Variants in SLC71A1 observed in about 807,000 individuals in gnomAD.
SLC71A1 encodes the protein solute carrier family 71 member 1.
chr1:100,040,184 G>A, the SLC71A1 span, among the ~76,000 whole-genome samples: 1 of 151,964 alleles, frequency 6.6e-6, no homozygotes. Context: ...GATCCCACAG[G>A]GCCTAGTATG....
chr1:100,067,691 T>TG, the SLC71A1 span, among the ~76,000 whole-genome samples: 1 of 152,080 alleles, frequency 6.6e-6, no homozygotes, highest in African/African-American at 2.4e-5. Flanking sequence ...TGTGTGCCTG[T>TG]AGCCCCATCA....
At chr1:100,043,882 T>G in the SLC71A1 span, among the ~76,000 whole-genome samples, 4 of 152,278 alleles carry the variant, frequency 2.6e-5, no homozygotes, top group South Asian at 4.1e-4. Context: ...CAAAAGACAT[T>G]ATTTCATTCC....
the SLC71A1 span, among the ~76,000 whole-genome samples, chr1:100,053,136 T>G: frequency 6.6e-6 from 1 of 152,246 alleles, no homozygotes; most frequent in Non-Finnish European, 1.5e-5. Flanking sequence ...TATATGTCAC[T>G]AATTAAGAAC....
chr1:100,067,411 ATTTTTCT>A, the SLC71A1 span, among the ~76,000 whole-genome samples: 2 of 151,980 alleles, frequency 1.3e-5, no homozygotes, highest in Non-Finnish European at 2.9e-5. Flanking sequence ...TGCCCAGCTA[ATTTTTCT>A]TTTTTCTTTT....
At chr1:100,044,533 G>C in the SLC71A1 span, among the ~76,000 whole-genome samples, 1 of 28,738 alleles carries the variant, frequency 3.5e-5, no homozygotes, top group African/African-American at 1.4e-4. Flanking sequence ...TTTTTTTTTT[G>C]AGATGGAATT....
At chr1:100,056,641 T>A in the SLC71A1 span, among the ~76,000 whole-genome samples, 2 of 152,176 alleles carry the variant, frequency 1.3e-5, no homozygotes, top group Non-Finnish European at 2.9e-5. Flanking sequence ...AGTGCTGCAG[T>A]AAATGTAGGA....
the SLC71A1 span, among the ~76,000 whole-genome samples, chr1:100,071,474 A>G: frequency 6.6e-6 from 1 of 152,070 alleles, no homozygotes; most frequent in African/African-American, 2.4e-5. Flanking sequence ...CTGTCTCAAA[A>G]AAAAAGTGTA....
the SLC71A1 span, among the ~76,000 whole-genome samples, chr1:100,062,304 C>T: frequency 2.6e-5 from 4 of 152,140 alleles, no homozygotes; most frequent in Non-Finnish European, 5.9e-5. Context: ...ATACAACAGG[C>T]TAACATCTAG....
the SLC71A1 span, among the ~76,000 whole-genome samples, chr1:100,040,829 C>T: frequency 6.6e-6 from 1 of 152,062 alleles, no homozygotes; most frequent in Non-Finnish European, 1.5e-5. Context: ...TTTAATTCAT[C>T]GTATCATAGA....
the SLC71A1 span, among the ~76,000 whole-genome samples, chr1:100,070,883 TCTC>T: frequency 1.3e-5 from 2 of 152,298 alleles, no homozygotes; most frequent in Non-Finnish European, 2.9e-5. Context: ...GTTCACCATT[TCTC>T]GAGTAGGATT....
chr1:100,068,092 A>G, the SLC71A1 span: 2 of 1,614,036 alleles, frequency 1.2e-6, no homozygotes, highest in Non-Finnish European at 1.7e-6. Context: ...GCTTTGCTAG[A>G]TATTTGTTTT....
the SLC71A1 span, among the ~76,000 whole-genome samples, chr1:100,040,928 A>G: frequency 6.6e-5 from 10 of 152,188 alleles, no homozygotes; most frequent in South Asian, 4.1e-4. Flanking sequence ...GAGATGTCTG[A>G]GGCTCTATGG....
the SLC71A1 span, chr1:100,082,507 A>C: frequency 3.0e-6 from 1 of 334,728 alleles, no homozygotes; most frequent in African/African-American, 2.1e-5. Flanking sequence ...CTTAGATATT[A>C]GCAAATGTCT....
chr1:100,041,572 A>C, the SLC71A1 span, among the ~76,000 whole-genome samples: 2 of 152,370 alleles, frequency 1.3e-5, no homozygotes, highest in African/African-American at 4.8e-5. Flanking sequence ...ACTGTATACT[A>C]CTTCACTGAT....
At chr1:100,067,183 A>T in the SLC71A1 span, among the ~76,000 whole-genome samples, 4 of 151,992 alleles carry the variant, frequency 2.6e-5, no homozygotes, top group African/African-American at 9.7e-5. Context: ...AGTAGGATTT[A>T]TTGGAACAGA....
chr1:100,049,911 T>C, the SLC71A1 span: 1 of 1,570,300 alleles, frequency 6.4e-7, no homozygotes, highest in Non-Finnish European at 8.7e-7. Flanking sequence ...TTTTATAGCC[T>C]CAAGGAATAG....
the SLC71A1 span, chr1:100,080,315 C>A: frequency 5.4e-6 from 3 of 554,610 alleles, no homozygotes; most frequent in Non-Finnish European, 9.6e-6. Flanking sequence ...GGACAGCTTA[C>A]TACACTTTGT....
At chr1:100,068,072 T>C in the SLC71A1 span, 1 of 1,614,150 alleles carries the variant, frequency 6.2e-7, no homozygotes, top group South Asian at 1.1e-5. Flanking sequence ...TGGTCTTAGC[T>C]ACAGCAATAG....
At chr1:100,045,032 G>A in the SLC71A1 span, among the ~76,000 whole-genome samples, 1 of 152,112 alleles carries the variant, frequency 6.6e-6, no homozygotes, top group Non-Finnish European at 1.5e-5. Flanking sequence ...TTCTTGTTCT[G>A]TGAAGTATGA....
Sources: allele counts gnomAD v4.1 joint callset (sites outside exome capture counted in the v4.1 genomes callset), GRCh38; gene constraint gnomAD v4.1.1; transcripts MANE v1.5; gene names NCBI Gene and HGNC (gene_info 2026-07-23, HGNC 2026-07-21).